Variants in DLGAP2 observed in about 807,000 individuals in gnomAD.
DLGAP2 encodes disks large-associated protein 2.
In DLGAP2, 26 loss-of-function variants were observed where a neutral mutation model predicts 100.3. The observed-to-expected ratio is 0.26, with a 90% CI of 0.19 to 0.36. DLGAP2 has a LOEUF of 0.36. Among genes scored for constraint, DLGAP2 ranks in the 10% least tolerant of loss-of-function variants. The pLI, the probability that DLGAP2 is intolerant of heterozygous loss-of-function variation, is 1.00. For synonymous variants in DLGAP2, 886 were observed against 630.1 expected, an observed-to-expected ratio of 1.41 and a Z score of -6.08; for missense variants, 1,858 against 1,453.2, an observed-to-expected ratio of 1.28 and a Z score of -4.53.
At chr8:1,629,434 C>T (rs1276284399) in intron 7 of DLGAP2, among the ~76,000 whole-genome samples, 2 of 152,206 alleles carry the variant, frequency 1.3e-5, no homozygotes, top group African/African-American at 2.4e-5. Flanking sequence ...AGCCAGCCCC[C>T]TGCAAACAAT....
chr8:973,848 C>T (rs750318401), intron 2 of DLGAP2, among the ~76,000 whole-genome samples: 733 of 70,386 alleles, frequency 0.01, 4 homozygotes, highest in Non-Finnish European at 0.016. Flanking sequence ...TCGGGGCGGG[C>T]GGTGGCGGCT....
intron 2 of DLGAP2, among the ~76,000 whole-genome samples, chr8:926,449 A>G (rs1415189257): frequency 1.3e-5 from 2 of 152,088 alleles, no homozygotes; most frequent in African/African-American, 4.8e-5. Context: ...CCACTGCTCC[A>G]TCCACGATGG....
chr8:1,377,358 T>A (rs946180602), intron 3 of DLGAP2, among the ~76,000 whole-genome samples: 1 of 151,982 alleles, frequency 6.6e-6, no homozygotes, highest in Non-Finnish European at 1.5e-5. Context: ...TCCTGGGTAA[T>A]ATGGTGAAAC....
intron 2 of DLGAP2, among the ~76,000 whole-genome samples, chr8:1,005,895 G>A (rs544664158): frequency 2.6e-5 from 4 of 152,234 alleles, no homozygotes; most frequent in African/African-American, 4.8e-5. Flanking sequence ...CTTACGTAAC[G>A]GGGAGTGAGG....
intron 1 of DLGAP2, among the ~76,000 whole-genome samples, chr8:883,688 G>T (rs1034624144): frequency 6.6e-6 from 1 of 152,194 alleles, no homozygotes; most frequent in East Asian, 1.9e-4. Context: ...GCGGCGGTTC[G>T]TTACGTAGGT....
intron 6 of DLGAP2, among the ~76,000 whole-genome samples, chr8:1,595,716 C>T (rs138760623): frequency 1.5e-3 from 232 of 151,540 alleles, no homozygotes; most frequent in African/African-American, 5.3e-3. Flanking sequence ...CGGAAGCCCC[C>T]AGCGAGCTCC....
intron 6 of DLGAP2, among the ~76,000 whole-genome samples, chr8:1,578,357 C>G (rs949039794): frequency 6.6e-6 from 1 of 152,162 alleles, no homozygotes; most frequent in Non-Finnish European, 1.5e-5. Context: ...GGTTCAGGTT[C>G]TTACCCCGGA....
chr8:1,442,672 C>T (rs1797871491), intron 3 of DLGAP2, among the ~76,000 whole-genome samples: 1 of 148,012 alleles, frequency 6.8e-6, no homozygotes, highest in Non-Finnish European at 1.5e-5. Flanking sequence ...CGGGCATAGA[C>T]CCGCCAGGCT....
chr8:1,599,317 T>G (rs1367026380), intron 6 of DLGAP2, among the ~76,000 whole-genome samples: 1 of 152,230 alleles, frequency 6.6e-6, no homozygotes, highest in East Asian at 1.9e-4. Context: ...TGTGATATGG[T>G]GCTGAGAAGA....
chr8:1,328,655 A>T (rs920949880), intron 3 of DLGAP2, among the ~76,000 whole-genome samples: 1 of 152,168 alleles, frequency 6.6e-6, no homozygotes, highest in Non-Finnish European at 1.5e-5. Flanking sequence ...CTGGCCTTAC[A>T]GTTAATATTC....
At chr8:957,255 C>T (rs1006534841) in intron 2 of DLGAP2, among the ~76,000 whole-genome samples, 1 of 152,230 alleles carries the variant, frequency 6.6e-6, no homozygotes, top group East Asian at 1.9e-4. Flanking sequence ...CCAGAGGCCC[C>T]TCCAGGGCCT....
intron 3 of DLGAP2, among the ~76,000 whole-genome samples, chr8:1,326,472 C>G (rs755239257): frequency 6.6e-6 from 1 of 152,010 alleles, no homozygotes; most frequent in Non-Finnish European, 1.5e-5. Flanking sequence ...GGACATGGCA[C>G]GCGCTCGGTC....
At position 811,344 on chromosome 8, in the gene DLGAP2, C is replaced by T. The variant is rs555815720; in HGVS notation, c.18+73519C>T. Among the ~76,000 whole-genome samples, 9 of 151,774 alleles carry T rather than the reference C, an allele frequency of 5.9e-5. No individual in the cohort carries two copies. In the East Asian group the frequency reaches 1.4e-3, roughly 23 times the overall value. ...GCCGTGGTGAGAGGCCACCAGCTTTCGGATGAAGCTCCCATCAACCTTGGA... is the reference window on the plus strand; with the variant it reads ...GCCGTGGTGAGAGGCCACCAGCTTTTGGATGAAGCTCCCATCAACCTTGGA... On this transcript the variant is annotated intron_variant, in intron 1 of 14. Coordinates refer to ENST00000637795, the MANE Select transcript of DLGAP2 (RefSeq NM_001346810.2).
In DLGAP2 at chr8:1,089,213, A is replaced by G. The variant is rs117559507; in HGVS notation, c.74-169638A>G. 1.1e-3 allele frequency among the ~76,000 whole-genome samples: 167 copies of G among 152,354 alleles called. No homozygotes were observed. In the East Asian group the frequency reaches 0.024, roughly 22 times the overall value. ...AGCAGGCTATGCAATTGCTCTGGCC[A>G]TAGTAGCTGCTGCAAAAGTAAAAAT... On this transcript the variant is annotated intron_variant, in intron 2 of 14. Transcript: ENST00000637795.
intron 13 of DLGAP2, among the ~76,000 whole-genome samples, chr8:1,695,524 C>A (rs1280356838): frequency 1.4e-5 from 2 of 142,658 alleles, no homozygotes; most frequent in African/African-American, 5.4e-5. Flanking sequence ...GGGGGCACAG[C>A]CATGCCCGGC....
chr8:1,254,694 G>A (rs1799131496), intron 2 of DLGAP2, among the ~76,000 whole-genome samples: 2 of 152,096 alleles, frequency 1.3e-5, no homozygotes, highest in South Asian at 4.2e-4. Flanking sequence ...GGAACCTCCT[G>A]CCTTAGCTCT....
chr8:1,361,933 C>A (rs562256235), intron 3 of DLGAP2, among the ~76,000 whole-genome samples: 25 of 152,308 alleles, frequency 1.6e-4, no homozygotes, highest in African/African-American at 6.0e-4. Context: ...CCTGGCAGGT[C>A]TCCTGGGAAG....
chr8:893,409 C>G (rs1390865930), intron 1 of DLGAP2, among the ~76,000 whole-genome samples: 1 of 152,208 alleles, frequency 6.6e-6, no homozygotes, highest in African/African-American at 2.4e-5. Context: ...ACTTACGTGT[C>G]GTATCTAATT....
At chr8:895,388 C>T (rs951043143) in intron 1 of DLGAP2, among the ~76,000 whole-genome samples, 3 of 152,160 alleles carry the variant, frequency 2.0e-5, no homozygotes, top group African/African-American at 7.2e-5. Context: ...CAGCATCCCC[C>T]GTGCTGAGAC....
Sources: gnomAD v4.1 joint callset for allele counts (sites outside exome capture counted in the v4.1 genomes callset) on GRCh38, gnomAD v4.1.1 for gene constraint, MANE v1.5 for transcripts, NCBI Gene and HGNC (gene_info 2026-07-23, HGNC 2026-07-21) for gene names.